The following ZNF91 variants were observed in gnomAD, a reference collection of about 807,000 sequenced individuals.
ZNF91 encodes zinc finger protein 91 (HPF7, HTF10).
Under a neutral mutation model 12.6 loss-of-function variants are expected in ZNF91, and 7 were observed. The ratio of observed to expected loss-of-function variants is 0.55; its 90% CI spans 0.31 to 1.04. ZNF91 has a LOEUF of 1.04. Ranked by LOEUF, ZNF91 falls within the 50% of genes least tolerant of loss-of-function variation. The pLI, the probability that ZNF91 is intolerant of heterozygous loss-of-function variation, is 0.05. For missense variants in ZNF91, 1,217 were observed against 1,385.4 expected, an observed-to-expected ratio of 0.88 and a Z score of 1.93; for synonymous variants, 453 against 462.6, an observed-to-expected ratio of 0.98 and a Z score of 0.27.
At chr19:23,369,708 C>T (rs1969191774) in intron 3 of ZNF91, among the ~76,000 whole-genome samples, 1 of 151,852 alleles carries the variant, frequency 6.6e-6, no homozygotes, top group Non-Finnish European at 1.5e-5. Context: ...ACCTTACCCC[C>T]AACCCTGTGC....
chr19:23,340,389 C>T (rs1002282340), intron 3 of ZNF91, among the ~76,000 whole-genome samples: 1 of 151,906 alleles, frequency 6.6e-6, no homozygotes, highest in Non-Finnish European at 1.5e-5. Context: ...TCACTAGAAA[C>T]GATTATAAAC....
At chr19:23,357,434 G>T (rs1968519341), downstream of ZNF91, among the ~76,000 whole-genome samples, 1 of 152,164 alleles carries the variant, frequency 6.6e-6, no homozygotes, top group East Asian at 1.9e-4. Flanking sequence ...GCATTTTTGA[G>T]AATTTTTGTT....
intron 3 of ZNF91, among the ~76,000 whole-genome samples, chr19:23,346,733 G>C (rs1457740863): frequency 1.3e-5 from 2 of 152,140 alleles, no homozygotes; most frequent in Non-Finnish European, 2.9e-5. Flanking sequence ...TGGCCTGTCT[G>C]CCTCTGAACA....
intron 1 of ZNF91, among the ~76,000 whole-genome samples, chr19:23,310,333 C>A (rs1442311586): frequency 6.6e-6 from 1 of 152,134 alleles, no homozygotes; most frequent in Non-Finnish European, 1.5e-5. Context: ...TGGAGACAGT[C>A]AAAAGTTGGA....
At chr19:23,385,742 G>A (rs1024774803) in intron 1 of ZNF91, among the ~76,000 whole-genome samples, 11 of 152,044 alleles carry the variant, frequency 7.2e-5, no homozygotes, top group African/African-American at 2.2e-4. Context: ...TATATTGCTT[G>A]GGCTCACCGT....
At chr19:23,369,250 G>T (rs150459385) in intron 3 of ZNF91, among the ~76,000 whole-genome samples, 1,795 of 151,986 alleles carry the variant, frequency 0.012, 31 homozygotes, top group African/African-American at 0.041. Context: ...GCAGAGGTTG[G>T]AGTGTGATAG....
intron 3 of ZNF91, among the ~76,000 whole-genome samples, chr19:23,363,857 AAAAATAT>A (rs1968902191): frequency 6.6e-6 from 1 of 152,182 alleles, no homozygotes; most frequent in African/African-American, 2.4e-5. Context: ...TTGTGGAGGT[AAAAATAT>A]AAAAACTGAT....
rs527875284 is a variant in ZNF91 at position 23,362,501 on chromosome 19, A to G, written c.478T>C (p.Leu160=). The G allele has an allele frequency of 5.6e-6, 9 of 1,602,822 alleles. No individual in the cohort carries two copies. The highest frequency in any genetic ancestry group is 7.7e-6 in the Non-Finnish European group (9 of 1,175,980). ...TTTAAAAATTTATAGAAGACTTTCAAATATTTCCCACATTGAAATACTTTG... is the reference window on the plus strand; with the variant it reads ...TTTAAAAATTTATAGAAGACTTTCAGATATTTCCCACATTGAAATACTTTG... ...QSKVFQCGKY[L]KVFYKFLNSN... is the part of the protein sequence containing the mutation. The change falls in exon 4 of 4, where the codon TTG becomes CTG. Residue 160 remains leucine, a synonymous_variant. Transcript: ENST00000300619.
At chr19:23,314,133 G>A (rs542603727), upstream of ZNF91, among the ~76,000 whole-genome samples, 6 of 152,188 alleles carry the variant, frequency 3.9e-5, no homozygotes, top group Non-Finnish European at 8.8e-5. Flanking sequence ...TTTTGTCTTG[G>A]CATTGCCCAC....
intron 3 of ZNF91, among the ~76,000 whole-genome samples, chr19:23,348,576 T>G (rs1048311628): frequency 6.6e-6 from 1 of 152,220 alleles, no homozygotes; most frequent in Non-Finnish European, 1.5e-5. Context: ...ATGATTGAGT[T>G]AACTGTACAA....
chr19:23,390,915 C>T (rs1797280587), intron 1 of ZNF91, among the ~76,000 whole-genome samples: 2 of 152,324 alleles, frequency 1.3e-5, no homozygotes, highest in South Asian at 4.1e-4. Context: ...CATTGATAGG[C>T]ATTCAAGTTG....
chr19:23,318,447 G>C (rs1967615693), intron 1 of ZNF91, among the ~76,000 whole-genome samples: 1 of 152,146 alleles, frequency 6.6e-6, no homozygotes, highest in Non-Finnish European at 1.5e-5. Flanking sequence ...AGGAAAGGTT[G>C]TGATGTGTCT....
chr19:23,383,525 T>TA (rs1349170731), intron 1 of ZNF91, among the ~76,000 whole-genome samples: 4 of 151,818 alleles, frequency 2.6e-5, no homozygotes, highest in Non-Finnish European at 4.4e-5. Flanking sequence ...CCATCTCTAC[T>TA]AAAAATGCAA....
At chr19:23,382,604 T>C (rs893546590) in intron 1 of ZNF91, among the ~76,000 whole-genome samples, 1 of 152,162 alleles carries the variant, frequency 6.6e-6, no homozygotes, top group African/African-American at 2.4e-5. Context: ...TGGCACATAC[T>C]GACCACACAA....
At chr19:23,377,680 C>A (rs752202714) in intron 1 of ZNF91, among the ~76,000 whole-genome samples, 1 of 152,212 alleles carries the variant, frequency 6.6e-6, no homozygotes, top group Non-Finnish European at 1.5e-5. Flanking sequence ...CATTCTCTAT[C>A]TTAAAGTATA....
At chr19:23,352,371 G>A (rs1028711823) in intron 3 of ZNF91, among the ~76,000 whole-genome samples, 1 of 152,070 alleles carries the variant, frequency 6.6e-6, no homozygotes, top group Non-Finnish European at 1.5e-5. Flanking sequence ...ATCCCCCATA[G>A]CAGCCGCAGC....
chr19:23,374,950 A>C (rs1472502877), intron 1 of ZNF91, among the ~76,000 whole-genome samples, 186 bp from the exon 2 acceptor site: 1 of 152,236 alleles, frequency 6.6e-6, no homozygotes, highest in Admixed American at 6.5e-5. Flanking sequence ...CTGAGAAAAG[A>C]GAGTGGCATA....
chr19:23,370,569 A>T (rs1969236503), intron 3 of ZNF91, among the ~76,000 whole-genome samples: 3 of 152,148 alleles, frequency 2.0e-5, no homozygotes, highest in African/African-American at 7.2e-5. Context: ...GTGGCACATT[A>T]TGGCTCACTG....
At chr19:23,372,426 A>G (rs1407928789) in intron 3 of ZNF91, among the ~76,000 whole-genome samples, 2 of 151,496 alleles carry the variant, frequency 1.3e-5, no homozygotes, top group Non-Finnish European at 2.9e-5. Flanking sequence ...CCCCATCTCA[A>G]AAATAAGTGC....
Sources: gnomAD v4.1 joint callset for allele counts (sites outside exome capture counted in the v4.1 genomes callset) on GRCh38, gnomAD v4.1.1 for gene constraint, MANE v1.5 for transcripts, NCBI Gene and HGNC (gene_info 2026-07-23, HGNC 2026-07-21) for gene names.